Variants in ROCK2 observed in about 807,000 individuals in gnomAD.
ROCK2 encodes rho-associated protein kinase 2.
A neutral mutation model predicts 195.1 loss-of-function variants in ROCK2; 61 were observed. That is an observed-to-expected ratio of 0.31 (90% confidence interval 0.25 to 0.39). The LOEUF is 0.39. ROCK2 is among the 10% of genes least tolerant of loss of function. The probability of loss-of-function intolerance (pLI) is 1.00; values close to 1 mark genes in which losing one functional copy is unlikely to be tolerated. For synonymous variants in ROCK2, 504 were observed against 545.5 expected (o/e 0.92, Z 1.06); for missense variants, 1,109 against 1,637.4 (o/e 0.68, Z 5.57).
intron 3 of ROCK2, among the ~76,000 whole-genome samples, chr2:11,272,317 A>G (rs1363996069): frequency 6.6e-6 from 1 of 152,340 alleles, no homozygotes; most frequent in African/African-American, 2.4e-5. Flanking sequence ...CAATAAAGGT[A>G]AATACACACA....
intron 7 of ROCK2, 51 bp from the exon 8 acceptor site, chr2:11,222,225 G>A (rs2122385): frequency 0.051 from 54,305 of 1,057,684 alleles, 2,053 homozygotes; most frequent in African/African-American, 0.16. Context: ...AAAATAAAAA[G>A]ATTAACTCTA....
intron 16 of ROCK2, 92 bp from the exon 17 acceptor site, chr2:11,214,555 G>A (rs1362454275): frequency 2.6e-6 from 2 of 761,732 alleles, no homozygotes; most frequent in Admixed American, 2.8e-5. Flanking sequence ...CTTCTATTTT[G>A]GAGCTGTTGT....
intron 32 of ROCK2, among the ~76,000 whole-genome samples, chr2:11,188,103 ATTTTT>A (rs747304783): frequency 1.8e-5 from 2 of 112,642 alleles, no homozygotes; most frequent in Admixed American, 1.0e-4. Flanking sequence ...CTGGTATATA[ATTTTT>A]TTTTTTTTTT....
Position 11,226,742 on chromosome 2 carries a change from C to G in ROCK2, c.868+512G>C, listed in dbSNP as rs79427608. Among the ~76,000 whole-genome samples the G allele has an allele frequency of 3.8e-3, 581 of 151,506 alleles. 5 individuals are homozygous for G. The highest frequency in any genetic ancestry group is 0.014 in the African/African-American group (559 of 41,298). Reference sequence around the variant, plus strand: ...GCCTGGGCAACATGATGAGACCACTCCCTACAAAAAATGAGAAAAATCAGC... The same window carrying G: ...GCCTGGGCAACATGATGAGACCACTGCCTACAAAAAATGAGAAAAATCAGC... On this transcript the variant is annotated intron_variant, in intron 6 of 32. Transcript: ENST00000315872.
chr2:11,223,334 G>A (rs1664700579), intron 7 of ROCK2, among the ~76,000 whole-genome samples: 1 of 152,124 alleles, frequency 6.6e-6, no homozygotes, highest in African/African-American at 2.4e-5. Context: ...AAACAATTTT[G>A]TTAATGGAAA....
At chr2:11,343,084 G>A (rs1313628044) in intron 1 of ROCK2, among the ~76,000 whole-genome samples, 9 of 152,164 alleles carry the variant, frequency 5.9e-5, no homozygotes, top group Non-Finnish European at 7.3e-5. Context: ...TAGTCTTCCA[G>A]AGTCAATTTA....
At chr2:11,208,825 T>G (rs866519166) in intron 18 of ROCK2, among the ~76,000 whole-genome samples, 16 of 152,132 alleles carry the variant, frequency 1.1e-4, no homozygotes, top group Admixed American at 1.3e-4. Flanking sequence ...ACTCCTGGCC[T>G]CATGCAATCC....
chr2:11,312,034 G>A (rs1049458404), intron 1 of ROCK2, among the ~76,000 whole-genome samples: 9 of 152,226 alleles, frequency 5.9e-5, no homozygotes, highest in Middle Eastern at 3.4e-3. Context: ...TCCAGCCGTC[G>A]TTTCATACTA....
intron 3 of ROCK2, among the ~76,000 whole-genome samples, chr2:11,277,552 C>T (rs929963503): frequency 1.3e-5 from 2 of 152,324 alleles, no homozygotes; most frequent in East Asian, 1.9e-4. Context: ...CATAGTTTGG[C>T]TCCCACATAT....
intron 1 of ROCK2, among the ~76,000 whole-genome samples, chr2:11,296,005 GGAGAGAGAGAGAGAGAGAGAGAGAGAGA>G (rs70953384): frequency 1.9e-4 from 2 of 10,334 alleles, no homozygotes; most frequent in Non-Finnish European, 2.5e-4. Context: ...GAGAGAGAGA[GGAGAGAGAGAGAGAGAGAGAGAGAGAGA>G]GAGAGAGAGA....
intron 9 of ROCK2, among the ~76,000 whole-genome samples, chr2:11,219,544 A>C (rs1452663543): frequency 6.6e-6 from 1 of 151,900 alleles, no homozygotes; most frequent in Non-Finnish European, 1.5e-5. Context: ...CAAATGCTAA[A>C]CTTTTCTTGC....
chr2:11,197,194 T>C lies in ROCK2; in HGVS notation c.3434A>G (p.Asp1145Gly), dbSNP rs912389077. 3 of 1,603,510 alleles carry C rather than the reference T, an allele frequency of 1.9e-6. No individual in the cohort carries two copies. Among genetic ancestry groups the C allele is most frequent in the African/African-American group, 2.7e-5 (2 of 74,476 alleles). The change falls in exon 27 of 33, where the codon GAT (aspartate) becomes GGT (glycine). Residue 1145 changes from aspartate (D) to glycine (G), a missense_variant. Physicochemically the swap from Asp to Gly is moderately conservative, Grantham distance 94. Coordinates refer to ENST00000315872, the MANE Select transcript of ROCK2 (RefSeq NM_004850.5). This position sits in a 1 kb window ranked among gnomAD's most constrained non-coding sequence, Gnocchi z 4.9. ...IGSGPGDAEADDGFPESRLEG... is the reference protein window; with the variant it reads ...IGSGPGDAEAGDGFPESRLEG... ...CAAATCCATACCTGGAAACCCATCA[T>C]CTGCCTCAGCATCCCCTGGTCCACT...
chr2:11,254,727 TAAAAAAAAAAAAAAA>T (rs10640683), intron 3 of ROCK2, among the ~76,000 whole-genome samples: 5 of 39,128 alleles, frequency 1.3e-4, no homozygotes, highest in East Asian at 1.5e-3. Context: ...CCCTGTCTCT[TAAAAAAAAAAAAAAA>T]AAAAAAAAAA....
chr2:11,223,991 T>C (rs1459670430), intron 7 of ROCK2, among the ~76,000 whole-genome samples: 1 of 152,198 alleles, frequency 6.6e-6, no homozygotes, highest in Admixed American at 6.5e-5. Context: ...AAAAGTTATA[T>C]AAGAGTAATA....
intron 1 of ROCK2, among the ~76,000 whole-genome samples, chr2:11,322,996 T>C (rs1668445676): frequency 6.6e-6 from 1 of 152,202 alleles, no homozygotes; most frequent in African/African-American, 2.4e-5. Flanking sequence ...CAGTGCTCTT[T>C]TGAAGAGTGA....
At chr2:11,333,998 C>T (rs754312671) in intron 1 of ROCK2, among the ~76,000 whole-genome samples, 6 of 152,102 alleles carry the variant, frequency 3.9e-5, no homozygotes, top group Non-Finnish European at 7.4e-5. Flanking sequence ...CACAACAATC[C>T]GGAAAATATC....
chr2:11,304,130 T>C (rs993897647), intron 1 of ROCK2, among the ~76,000 whole-genome samples: 1 of 152,186 alleles, frequency 6.6e-6, no homozygotes, highest in Admixed American at 6.5e-5. Flanking sequence ...CGTCTTTAAA[T>C]ATGTGCTGAT....
intron 7 of ROCK2, among the ~76,000 whole-genome samples, chr2:11,222,789 T>C (rs919829742): frequency 2.6e-5 from 4 of 152,148 alleles, no homozygotes; most frequent in African/African-American, 9.7e-5. Flanking sequence ...CCTGGAGCTA[T>C]GTTTAACATA....
intron 3 of ROCK2, among the ~76,000 whole-genome samples, chr2:11,271,552 A>G (rs1666629633): frequency 6.6e-6 from 1 of 152,152 alleles, no homozygotes; most frequent in Non-Finnish European, 1.5e-5. Flanking sequence ...TCCCGGAAGC[A>G]CTGTTGGTTT....
Sources: allele counts gnomAD v4.1 joint callset (sites outside exome capture counted in the v4.1 genomes callset), GRCh38; gene constraint gnomAD v4.1.1; non-coding constraint Gnocchi (gnomAD v3.1); transcripts MANE v1.5; gene names NCBI Gene and HGNC (gene_info 2026-07-23, HGNC 2026-07-21).